The following HRH1 variants were observed in gnomAD, a reference collection of about 807,000 sequenced individuals.
HRH1 encodes histamine H1 receptor.
HRH1 carries 6 observed loss-of-function variants against 10.3 expected under a neutral mutation model. The observed-to-expected ratio is 0.58, with a 90% CI of 0.32 to 1.15. HRH1 has a LOEUF of 1.15. HRH1 is among the 50% of genes most tolerant of loss of function. The pLI is 0.05. For missense variants in HRH1, 514 were observed against 615.3 expected, an observed-to-expected ratio of 0.84 and a Z score of 1.74; for synonymous variants, 242 against 236.7, an observed-to-expected ratio of 1.02 and a Z score of -0.21.
chr3:11,248,768 G>A (rs1010255378), intron 1 of HRH1, among the ~76,000 whole-genome samples: 9 of 152,230 alleles, frequency 5.9e-5, no homozygotes, highest in African/African-American at 2.2e-4. Context: ...GACCCGCAGG[G>A]CTTTTGACTT....
At chr3:11,160,361 A>G (rs1328917921) in intron 1 of HRH1, among the ~76,000 whole-genome samples, 1 of 152,196 alleles carries the variant, frequency 6.6e-6, no homozygotes, top group Admixed American at 6.5e-5. Context: ...AACTTGAATT[A>G]TCTCTCTTAA....
rs193236160 is a variant in HRH1 at position 11,212,419 on chromosome 3, G to T, written c.-35-46584G>T. On this transcript the variant is annotated intron_variant, in intron 1 of 1. Coordinates refer to ENST00000431010, the MANE Select transcript of HRH1 (RefSeq NM_001098212.2). ...TTCTCACTGCCTCTTGTTAGCAAAGGACATATTTCATGGAAGGGCTGAGAC... is the reference window on the plus strand; with the variant it reads ...TTCTCACTGCCTCTTGTTAGCAAAGTACATATTTCATGGAAGGGCTGAGAC... Among the ~76,000 whole-genome samples, 177 of 152,190 alleles carry T rather than the reference G, an allele frequency of 1.2e-3. 1 individual carries two copies. Among genetic ancestry groups the T allele is most frequent in the African/African-American group, 4.2e-3 (175 of 41,512 alleles).
intron 1 of HRH1, among the ~76,000 whole-genome samples, chr3:11,245,117 C>A (rs1939444196): frequency 6.6e-6 from 1 of 152,074 alleles, no homozygotes; most frequent in Admixed American, 6.6e-5. Flanking sequence ...CTTTGGGAGA[C>A]CGAGGCAGGC....
chr3:11,163,871 G>C (rs1936977158), intron 1 of HRH1, among the ~76,000 whole-genome samples: 1 of 152,018 alleles, frequency 6.6e-6, no homozygotes, highest in South Asian at 2.1e-4. Flanking sequence ...CCTAAGGCTG[G>C]ATTAGGATCC....
chr3:11,200,174 G>A (rs1937849138), intron 1 of HRH1, among the ~76,000 whole-genome samples: 1 of 152,198 alleles, frequency 6.6e-6, no homozygotes, highest in Admixed American at 6.5e-5. Context: ...GGACACGACT[G>A]ACAGATGCAG....
intron 1 of HRH1, among the ~76,000 whole-genome samples, chr3:11,176,904 C>A (rs2125015067): frequency 6.6e-6 from 1 of 152,138 alleles, no homozygotes; most frequent in Non-Finnish European, 1.5e-5. Flanking sequence ...ACCGGCCTGG[C>A]CAACATGATG....
chr3:11,197,102 G>A (rs1321289721), intron 1 of HRH1, among the ~76,000 whole-genome samples: 1 of 145,228 alleles, frequency 6.9e-6, no homozygotes, highest in Non-Finnish European at 1.5e-5. Context: ...TCTAGCCTGG[G>A]CTACAGAGCG....
rs1939954866 is a variant in HRH1, at chr3:11,261,447, G to A, written c.*946G>A. ...ATTGAGGTTCAGCAAGGTGAGAGAG[G>A]TACCCAAGGTCACATAGCTAGTTAT... On this transcript the variant is annotated 3_prime_UTR_variant, in exon 2 of 2. Coordinates refer to ENST00000431010, the MANE Select transcript of HRH1 (RefSeq NM_001098212.2). The A allele has an allele frequency of 6.0e-6, 1 of 167,026 alleles. No individual in the cohort carries two copies. Among genetic ancestry groups the A allele is most frequent in the African/African-American group, 2.4e-5 (1 of 41,432 alleles). The allele number at this position is 167,026 out of a possible 1,614,324, so 10.3% of individuals were successfully genotyped here.
chr3:11,254,276 A>G (rs1939729093), intron 1 of HRH1, among the ~76,000 whole-genome samples: 1 of 152,064 alleles, frequency 6.6e-6, no homozygotes, highest in African/African-American at 2.4e-5. Flanking sequence ...CTTTTGCTTT[A>G]TCCTTCTCCA....
chr3:11,245,179 C>T (rs1210889160), intron 1 of HRH1, among the ~76,000 whole-genome samples: 1 of 152,048 alleles, frequency 6.6e-6, no homozygotes, highest in Non-Finnish European at 1.5e-5. Context: ...ATAGCAAAAC[C>T]CCGTCTCTAC....
intron 1 of HRH1, among the ~76,000 whole-genome samples, chr3:11,250,446 C>T (rs543204193): frequency 1.4e-4 from 21 of 152,066 alleles, no homozygotes; most frequent in African/African-American, 4.8e-4. Flanking sequence ...CTCAACGGTC[C>T]GGACTGCTGT....
intron 1 of HRH1, among the ~76,000 whole-genome samples, chr3:11,185,044 A>G (rs1367995351): frequency 5.9e-5 from 9 of 152,104 alleles, no homozygotes; most frequent in Admixed American, 4.6e-4. Context: ...AATTTAAAAA[A>G]AAAAAAAACC....
chr3:11,233,678 A>C (rs1313056387), intron 1 of HRH1, among the ~76,000 whole-genome samples: 1 of 152,200 alleles, frequency 6.6e-6, no homozygotes, highest in African/African-American at 2.4e-5. Context: ...GTCCAAACAC[A>C]GAAAACCAGG....
At chr3:11,177,606 A>G (rs560382625) in intron 1 of HRH1, among the ~76,000 whole-genome samples, 69 of 152,298 alleles carry the variant, frequency 4.5e-4, no homozygotes, top group African/African-American at 1.6e-3. Flanking sequence ...TGCTGTGTCT[A>G]TCTTCCCTGC....
chr3:11,254,889 C>T (rs1468181901), intron 1 of HRH1, among the ~76,000 whole-genome samples: 15 of 152,188 alleles, frequency 9.9e-5, no homozygotes, highest in Admixed American at 9.8e-4. Flanking sequence ...TAATGCAGTT[C>T]CTAGCACTTC....
chr3:11,224,508 T>C (rs548130666), intron 1 of HRH1, among the ~76,000 whole-genome samples: 1 of 152,134 alleles, frequency 6.6e-6, no homozygotes. Context: ...CCATCCTGGC[T>C]AACACGGTGA....
At chr3:11,184,242 C>T (rs1937410582) in intron 1 of HRH1, among the ~76,000 whole-genome samples, 1 of 152,172 alleles carries the variant, frequency 6.6e-6, no homozygotes. Flanking sequence ...AAGTCCTTTA[C>T]ATATATTAAC....
At chr3:11,252,341 T>A (rs346075) in intron 1 of HRH1, among the ~76,000 whole-genome samples, 1 of 151,982 alleles carries the variant, frequency 6.6e-6, no homozygotes, top group Non-Finnish European at 1.5e-5. Flanking sequence ...CACAGAAAAT[T>A]TAAGACATGG....
At chr3:11,179,556 C>T (rs1162767965) in intron 1 of HRH1, among the ~76,000 whole-genome samples, 1 of 147,582 alleles carries the variant, frequency 6.8e-6, no homozygotes, top group African/African-American at 2.5e-5. Context: ...GGAGGCGGAG[C>T]TTGCAGTGAG....
Sources: allele counts gnomAD v4.1 joint callset (sites outside exome capture counted in the v4.1 genomes callset), GRCh38; gene constraint gnomAD v4.1.1; transcripts MANE v1.5; gene names NCBI Gene and HGNC (gene_info 2026-07-23, HGNC 2026-07-21).